Variants in CACHD1 observed in about 807,000 individuals in gnomAD.
CACHD1 encodes the protein cache domain containing 1, also known as VWFA and cache domain-containing protein 1.
In CACHD1, 71 loss-of-function variants were observed where a neutral mutation model predicts 138.7. The observed-to-expected ratio is 0.51, with a 90% confidence interval of 0.42 to 0.62. The LOEUF (loss-of-function observed/expected upper bound fraction) is 0.62. Ranked by LOEUF, CACHD1 falls within the 20% of genes least tolerant of loss-of-function variation. CACHD1 has a pLI of 0.00. For synonymous variants in CACHD1, 578 were observed against 591.5 expected, an observed-to-expected ratio of 0.98 and a Z score of 0.33; for missense variants, 1,389 against 1,625.3, an observed-to-expected ratio of 0.85 and a Z score of 2.50.
At chr1:64,568,662 G>T (rs1436021027) in intron 2 of CACHD1, among the ~76,000 whole-genome samples, 1 of 152,074 alleles carries the variant, frequency 6.6e-6, no homozygotes, top group Non-Finnish European at 1.5e-5. Context: ...ATGCATGAAA[G>T]CTTAAATTTC....
chr1:64,602,999 A>G, intron 4 of CACHD1, 87 bp downstream of exon 4: 3 of 816,076 alleles, frequency 3.7e-6, no homozygotes, highest in South Asian at 3.1e-5. Context: ...TTTTTTTTTA[A>G]TTTTTGAAGA....
intron 7 of CACHD1, among the ~76,000 whole-genome samples, chr1:64,637,728 G>A (rs747076434): frequency 1.3e-4 from 20 of 152,174 alleles, no homozygotes; most frequent in Non-Finnish European, 2.5e-4. Context: ...ATGTTTCTAA[G>A]GCTTAGCTCA....
At chr1:64,607,373 G>A (rs541099004) in intron 4 of CACHD1, among the ~76,000 whole-genome samples, 25 of 152,272 alleles carry the variant, frequency 1.6e-4, no homozygotes, top group Non-Finnish European at 3.1e-4. Flanking sequence ...ATATGATTTA[G>A]CAATGTAGAG....
intron 1 of CACHD1, among the ~76,000 whole-genome samples, chr1:64,480,696 A>T (rs1646204993): frequency 6.6e-6 from 1 of 151,948 alleles, no homozygotes; most frequent in Non-Finnish European, 1.5e-5. Flanking sequence ...TTTTACTGAA[A>T]AGGTAAGTTA....
chr1:64,536,182 T>C (rs1646631437), intron 1 of CACHD1, among the ~76,000 whole-genome samples: 1 of 152,208 alleles, frequency 6.6e-6, no homozygotes, highest in Admixed American at 6.5e-5. Flanking sequence ...GTTGTATTCC[T>C]CCCTTAGTAG....
intron 2 of CACHD1, among the ~76,000 whole-genome samples, chr1:64,567,705 TA>T (rs1169208704): frequency 6.6e-6 from 1 of 152,234 alleles, no homozygotes; most frequent in Admixed American, 6.5e-5. Flanking sequence ...TTGTTTTTCA[TA>T]CTTTTTCTGC....
In CACHD1 at chr1:64,671,571, C is replaced by T; in HGVS notation, c.2395C>T (p.Leu799=). Residue 799 remains leucine (L), a synonymous_variant, in exon 17 of 27, where the codon CTG becomes TTG. Transcript: ENST00000651257. ...GATCTTTTTCACTTAAAGTACACAG[C>T]TGTCTTCTGGGCACACTGTGGCTGT... The part of the protein sequence containing the change: ...SHTIHSSSTQ[L]SSGHTVAVMG... The T allele has an allele frequency of 6.2e-7, 1 of 1,614,000 alleles. No homozygotes were observed. Among genetic ancestry groups the T allele is most frequent in the East Asian group, 2.2e-5 (1 of 44,870 alleles).
chr1:64,633,493 T>C (rs17126802), intron 6 of CACHD1, among the ~76,000 whole-genome samples: 9,194 of 152,118 alleles, frequency 0.06, 319 homozygotes, highest in Middle Eastern at 0.11. Flanking sequence ...TGGCTGAACT[T>C]TATTGCAAGA....
At chr1:64,648,416 T>A (rs942995325) in intron 9 of CACHD1, among the ~76,000 whole-genome samples, 10 of 152,196 alleles carry the variant, frequency 6.6e-5, no homozygotes, top group Non-Finnish European at 1.3e-4. Flanking sequence ...CAAATTCCAT[T>A]CTTCCACTTG....
intron 4 of CACHD1, among the ~76,000 whole-genome samples, chr1:64,608,877 C>T (rs1457257435): frequency 1.3e-5 from 2 of 152,092 alleles, no homozygotes; most frequent in African/African-American, 4.8e-5. Context: ...TTGAGTTATG[C>T]AATTGAGGTG....
At chr1:64,595,177 C>T (rs916249994) in intron 3 of CACHD1, among the ~76,000 whole-genome samples, 1 of 152,132 alleles carries the variant, frequency 6.6e-6, no homozygotes, top group Non-Finnish European at 1.5e-5. Flanking sequence ...GTGTCTGTGT[C>T]ATACCACTCA....
intron 1 of CACHD1, among the ~76,000 whole-genome samples, chr1:64,539,487 A>C (rs1188998581): frequency 6.6e-6 from 1 of 152,106 alleles, no homozygotes; most frequent in East Asian, 1.9e-4. Context: ...TTCTGTTACC[A>C]CATGTGACTT....
intron 1 of CACHD1, among the ~76,000 whole-genome samples, chr1:64,474,094 C>A (rs969311168): frequency 6.6e-6 from 1 of 152,138 alleles, no homozygotes; most frequent in Admixed American, 6.5e-5. Flanking sequence ...TTTAAAAAAT[C>A]TTTAAATAAG....
intron 1 of CACHD1, among the ~76,000 whole-genome samples, chr1:64,550,058 C>T (rs1426664765): frequency 1.3e-5 from 2 of 152,112 alleles, no homozygotes; most frequent in Non-Finnish European, 2.9e-5. Flanking sequence ...CATGTAAGAA[C>T]TGGATCTTCT....
Position 64,516,017 on chromosome 1 carries a change from T to C in CACHD1, c.199-34577T>C, listed in dbSNP as rs79278967. 4.1e-3 allele frequency among the ~76,000 whole-genome samples: 617 copies of C among 152,318 alleles called. 7 individuals are homozygous for C. The highest frequency in any genetic ancestry group is 0.033 in the East Asian group (169 of 5,188). On this transcript the variant is annotated intron_variant, in intron 1 of 26. Coordinates refer to ENST00000651257, the MANE Select transcript of CACHD1 (RefSeq NM_020925.4). ...AGGAAGTGGTAGAAGAGATTGTTAA[T>C]AGGATTTTCATATATAGGTTGCAAA...
intron 1 of CACHD1, among the ~76,000 whole-genome samples, chr1:64,511,115 T>C (rs1646417452): frequency 6.6e-6 from 1 of 152,200 alleles, no homozygotes; most frequent in African/African-American, 2.4e-5. Flanking sequence ...TCTACAGGTA[T>C]AGGACATTAA....
chr1:64,542,806 T>C (rs1330558572), intron 1 of CACHD1, among the ~76,000 whole-genome samples: 1 of 152,154 alleles, frequency 6.6e-6, no homozygotes, highest in Non-Finnish European at 1.5e-5. Flanking sequence ...GTACTTACAA[T>C]ATTCAGCTTT....
chr1:64,539,663 C>A (rs1199816183), intron 1 of CACHD1, among the ~76,000 whole-genome samples: 2 of 152,188 alleles, frequency 1.3e-5, no homozygotes, highest in Non-Finnish European at 2.9e-5. Context: ...TCCAAACGGG[C>A]AAGGATTTTC....
At chr1:64,554,683 C>T (rs546200880) in intron 2 of CACHD1, among the ~76,000 whole-genome samples, 5 of 152,206 alleles carry the variant, frequency 3.3e-5, no homozygotes, top group Middle Eastern at 3.4e-3. Context: ...ATGAATGCTC[C>T]TTGTCCAGTT....
Sources: allele counts gnomAD v4.1 joint callset (sites outside exome capture counted in the v4.1 genomes callset), GRCh38; gene constraint gnomAD v4.1.1; transcripts MANE v1.5; gene names NCBI Gene and HGNC (gene_info 2026-07-23, HGNC 2026-07-21).